The following LDB3 variants were observed in gnomAD, a reference collection of about 807,000 sequenced individuals.
LDB3 encodes the protein LIM domain binding 3.
LDB3 carries 49 observed loss-of-function variants against 69.0 expected under a neutral mutation model. The observed-to-expected ratio is 0.71, with a 90% CI of 0.56 to 0.90. The LOEUF (loss-of-function observed/expected upper bound fraction) is 0.90. Ranked by LOEUF, LDB3 falls within the 40% of genes least tolerant of loss-of-function variation. LDB3 has a pLI of 0.00. For missense variants in LDB3, 928 were observed against 974.1 expected (o/e 0.95, Z 0.63); for synonymous variants, 387 against 396.2 (o/e 0.98, Z 0.28).
At chr10:86,713,603 C>T (rs954045442) in intron 9 of LDB3, among the ~76,000 whole-genome samples, 7 of 152,204 alleles carry the variant, frequency 4.6e-5, no homozygotes, top group Non-Finnish European at 2.9e-5. Context: ...GAAAATGTTG[C>T]ACAGAACCCC....
Position 86,699,690 on chromosome 10 carries a change from G to T in LDB3, c.897-6841G>T. ...CCAGAGAGGGCAGGAGGGGTTTGCT[G>T]GCATAACACCCCAGAACCAAGGGAA... On this transcript the variant is annotated intron_variant, in intron 7 of 13. Coordinates refer to ENST00000361373, the MANE Select transcript of LDB3 (RefSeq NM_007078.3). This position sits in a 1 kb window ranked among gnomAD's most constrained non-coding sequence, Gnocchi z 4.9. 8.2e-7 allele frequency: 1 copy of T among 1,216,394 alleles called. No homozygotes were observed. Among genetic ancestry groups the T allele is most frequent in the Non-Finnish European group, 1.0e-6 (1 of 963,580 alleles). The allele number at this position is 1,216,394 out of a possible 1,614,324, so 75.4% of individuals were successfully genotyped here.
intron 9 of LDB3, 50 bp from the exon 10 acceptor site, chr10:86,716,277 A>G: frequency 1.3e-6 from 2 of 1,599,358 alleles, no homozygotes; most frequent in Non-Finnish European, 1.7e-6. Context: ...GGAACTGGGA[A>G]GAATGAATTC....
chr10:86,666,817 C>A, upstream of LDB3: 1 of 470,886 alleles, frequency 2.1e-6, no homozygotes, highest in Non-Finnish European at 4.4e-6. Context: ...CAGGCAGGAG[C>A]CAGAGGCCAG....
intron 13 of LDB3, among the ~76,000 whole-genome samples, chr10:86,731,687 G>A (rs562136809): frequency 4.6e-5 from 7 of 152,244 alleles, no homozygotes; most frequent in South Asian, 2.1e-4. Flanking sequence ...ATTCTCTAGC[G>A]TGGCATTACT....
intron 5 of LDB3, among the ~76,000 whole-genome samples, chr10:86,688,915 G>A: frequency 6.6e-6 from 1 of 152,134 alleles, no homozygotes; most frequent in Non-Finnish European, 1.5e-5. Context: ...CTTCACGAAG[G>A]ACGTTTCCCA....
intron 7 of LDB3, among the ~76,000 whole-genome samples, chr10:86,702,156 C>CA (rs1165666302): frequency 2.0e-5 from 3 of 152,160 alleles, no homozygotes; most frequent in African/African-American, 7.2e-5. Context: ...TATCATCACC[C>CA]AATCAACAGA....
intron 5 of LDB3, among the ~76,000 whole-genome samples, chr10:86,689,700 C>T (rs576154670): frequency 6.6e-6 from 1 of 152,328 alleles, no homozygotes; most frequent in African/African-American, 2.4e-5. Context: ...CCCCAGAATC[C>T]TCATGGGAAG....
Position 86,680,291 on chromosome 10 carries a change from T to A in LDB3, c.321+134T>A, listed in dbSNP as rs536371324. The A allele has an allele frequency of 1.1e-4, 83 of 773,818 alleles. No individual in the cohort carries two copies. The South Asian group carries it at 1.2e-3, about 11-fold the overall frequency. 47.9% of individuals were successfully genotyped at this position (773,818 alleles called of 1,614,324 possible). A position where few individuals can be genotyped will look rare whatever the true frequency, so the allele number is the denominator to read the frequency against. On this transcript the variant is annotated intron_variant, in intron 4 of 13. Transcript: ENST00000361373. Reference sequence around the variant, plus strand: ...ATCAGCCCTGCCCCATCCCTGCCCCTGCTGCAGCTGACCCTGGGGAAGTGA... The same window carrying A: ...ATCAGCCCTGCCCCATCCCTGCCCCAGCTGCAGCTGACCCTGGGGAAGTGA...
intron 2 of LDB3, among the ~76,000 whole-genome samples, chr10:86,672,320 G>A (rs1482012626): frequency 2.0e-5 from 3 of 152,162 alleles, no homozygotes; most frequent in Non-Finnish European, 4.4e-5. Flanking sequence ...CCCGCCTGCA[G>A]GCTCACCTGG....
chr10:86,733,050 A>T lies in LDB3; in HGVS notation c.*74A>T. The T allele has an allele frequency of 9.7e-7, 1 of 1,036,224 alleles. No individual in the cohort carries two copies. Among genetic ancestry groups the T allele is most frequent in the Non-Finnish European group, 1.5e-6 (1 of 672,194 alleles). The allele number at this position is 1,036,224 out of a possible 1,614,324, so 64.2% of individuals were successfully genotyped here. On this transcript the variant is annotated 3_prime_UTR_variant, in exon 14 of 14. Coordinates refer to ENST00000361373, the MANE Select transcript of LDB3 (RefSeq NM_007078.3). ...TGGCAACAAAGGATTCGGGAGGCTG[A>T]TGTTTCTTCTGAGGGGAATGGGGAG...
intron 5 of LDB3, among the ~76,000 whole-genome samples, chr10:86,688,017 T>G (rs55780544): frequency 6.6e-6 from 1 of 151,806 alleles, no homozygotes; most frequent in Non-Finnish European, 1.5e-5. Flanking sequence ...TCCTCCTTGT[T>G]GCTTTTTCTC....
chr10:86,675,052 G>A (rs989705495), intron 2 of LDB3, among the ~76,000 whole-genome samples: 1 of 152,210 alleles, frequency 6.6e-6, no homozygotes, highest in Non-Finnish European at 1.5e-5. Context: ...CAGGCCAGCT[G>A]AGCCCTGACA....
At chr10:86,676,578 A>AAG (rs1554847834) in intron 2 of LDB3, among the ~76,000 whole-genome samples, 3 of 142,610 alleles carry the variant, frequency 2.1e-5, no homozygotes, top group African/African-American at 5.5e-5. Flanking sequence ...AAAAAAAAAA[A>AAG]AGAGAAAGAA....
intron 7 of LDB3, among the ~76,000 whole-genome samples, chr10:86,697,499 G>A (rs1434612494): frequency 2.0e-5 from 3 of 150,396 alleles, no homozygotes; most frequent in Non-Finnish European, 4.4e-5. Context: ...GGGATTACAG[G>A]CGTGAGCCGC....
At chr10:86,714,471 G>C (rs554312713) in intron 9 of LDB3, among the ~76,000 whole-genome samples, 10 of 152,042 alleles carry the variant, frequency 6.6e-5, no homozygotes, top group Non-Finnish European at 1.0e-4. Flanking sequence ...AGGGAATAAT[G>C]TGAAGACCGA....
chr10:86,717,900 C>T (rs1473848353), intron 10 of LDB3, 64 bp from the exon 11 acceptor site: 6 of 1,486,254 alleles, frequency 4.0e-6, no homozygotes, highest in Non-Finnish European at 5.6e-6. Context: ...TGTTGGGGTT[C>T]TTCAAATATC....
rs1264340828 is a variant in LDB3, at chr10:86,724,637, T to C, written c.1979-1500T>C. On this transcript the variant is annotated intron_variant, in intron 12 of 13. Transcript: ENST00000361373. Reference sequence around the variant, plus strand: ...TAAAAATAAAAAATAAATAAATAAATAAATAAAATAAATAGATAAATAAAT... The same window carrying C: ...TAAAAATAAAAAATAAATAAATAAACAAATAAAATAAATAGATAAATAAAT... 2.6e-5 allele frequency among the ~76,000 whole-genome samples: 4 copies of C among 151,166 alleles called. No individual in the cohort carries two copies. The East Asian group carries it at 7.7e-4, about 29-fold the overall frequency.
At chr10:86,678,167 C>G (rs1371996473) in intron 2 of LDB3, among the ~76,000 whole-genome samples, 1 of 151,970 alleles carries the variant, frequency 6.6e-6, no homozygotes, top group Non-Finnish European at 1.5e-5. Flanking sequence ...CCTGCTTCAG[C>G]CTCCCGAGTA....
intron 8 of LDB3, 71 bp from the exon 9 acceptor site, chr10:86,709,834 C>T (rs993795201): frequency 1.9e-6 from 3 of 1,567,054 alleles, no homozygotes; most frequent in Non-Finnish European, 2.6e-6. Flanking sequence ...ACCTGGGAGC[C>T]AGCCTGCCTT....
Sources: gnomAD v4.1 joint callset for allele counts (sites outside exome capture counted in the v4.1 genomes callset) on GRCh38, gnomAD v4.1.1 for gene constraint, Gnocchi (gnomAD v3.1) non-coding constraint, MANE v1.5 for transcripts, NCBI Gene and HGNC (gene_info 2026-07-23, HGNC 2026-07-21) for gene names.